GRIN2B: variants seen among roughly 807,000 people sequenced by gnomAD.
GRIN2B encodes glutamate receptor ionotropic, NMDA 2B.
Under a neutral mutation model 114.5 loss-of-function variants are expected in GRIN2B, and 5 were observed. That is an observed-to-expected ratio of 0.04 (90% CI 0.02 to 0.09). The LOEUF is 0.09. Ranked by LOEUF, GRIN2B falls within the 10% of genes least tolerant of loss-of-function variation. The pLI, the probability that GRIN2B is intolerant of heterozygous loss-of-function variation, is 1.00. For synonymous variants in GRIN2B, 787 were observed against 745.1 expected (o/e 1.06, Z -0.92); for missense variants, 1,108 against 1,943.5 (o/e 0.57, Z 8.08).
In GRIN2B at chr12:13,952,354, T is replaced by C. The variant is rs147089066; in HGVS notation, c.-19+27574A>G. ...AACTCATCTTACCCACTCACCTTTA[T>C]ACAGTGTCCGCAGGAATCCACAAAT... On this transcript the variant is annotated intron_variant, in intron 2 of 13. Transcript: ENST00000609686. 9.9e-3 allele frequency among the ~76,000 whole-genome samples: 1,502 copies of C among 152,310 alleles called. 9 individuals are homozygous for C. The highest frequency in any genetic ancestry group is 0.021 in the South Asian group (101 of 4,826).
chr12:13,741,936 A>C (rs1402887458), intron 4 of GRIN2B, among the ~76,000 whole-genome samples: 1 of 152,196 alleles, frequency 6.6e-6, no homozygotes, highest in Admixed American at 6.5e-5. Context: ...CTTGGCACAT[A>C]GTATTCACTC....
At chr12:13,570,136 A>G (rs918629745) in intron 11 of GRIN2B, 119 bp from the exon 12 acceptor site, 2 of 754,602 alleles carry the variant, frequency 2.7e-6, no homozygotes, top group Non-Finnish European at 2.3e-6. Flanking sequence ...GGTTCAAAGT[A>G]AGGTTTAAGT....
At chr12:13,879,280 T>C (rs1290350477) in intron 2 of GRIN2B, among the ~76,000 whole-genome samples, 2 of 152,170 alleles carry the variant, frequency 1.3e-5, no homozygotes, top group African/African-American at 4.8e-5. Context: ...GTACAGCATG[T>C]TACTGTACTG....
At chr12:13,780,127 G>C (rs1864079828) in intron 3 of GRIN2B, among the ~76,000 whole-genome samples, 1 of 152,086 alleles carries the variant, frequency 6.6e-6, no homozygotes, top group Admixed American at 6.6e-5. Flanking sequence ...ACCTAGAAGA[G>C]TACCATACCT....
chr12:13,972,866 A>G (rs1412692023), intron 2 of GRIN2B, among the ~76,000 whole-genome samples: 3 of 152,316 alleles, frequency 2.0e-5, no homozygotes, highest in South Asian at 2.1e-4. Context: ...GGGGCCTACT[A>G]TATTTGGTAG....
intron 3 of GRIN2B, among the ~76,000 whole-genome samples, chr12:13,794,548 A>G (rs972962191): frequency 6.6e-5 from 10 of 152,228 alleles, no homozygotes; most frequent in African/African-American, 2.4e-4. Context: ...ACAAAGATCC[A>G]GTGGCATCCA....
rs112983172 is a variant in GRIN2B at position 13,793,420 on chromosome 12, C to CAA, written c.412-39507_412-39506dup. On this transcript the variant is annotated intron_variant, in intron 3 of 13. Coordinates refer to ENST00000609686, the MANE Select transcript of GRIN2B (RefSeq NM_000834.5). ...TGGGCAACAAAGTGAGACTCTGTCT[C>CAA]AAAAAAAAAAAAACGTTATTCAACT... Among the ~76,000 whole-genome samples the CAA allele has an allele frequency of 2.2e-3, 328 of 147,464 alleles. 2 individuals carry two copies. The highest frequency in any genetic ancestry group is 3.5e-3 in the Middle Eastern group (1 of 282).
At chr12:13,774,938 T>C (rs1469768589) in intron 3 of GRIN2B, among the ~76,000 whole-genome samples, 4 of 152,114 alleles carry the variant, frequency 2.6e-5, no homozygotes, top group African/African-American at 9.7e-5. Flanking sequence ...AGAGATCACA[T>C]GTGATCATGA....
At chr12:13,802,600 T>A (rs917207875) in intron 3 of GRIN2B, among the ~76,000 whole-genome samples, 3 of 152,138 alleles carry the variant, frequency 2.0e-5, no homozygotes, top group African/African-American at 4.8e-5. Context: ...AATTGCAGAA[T>A]TCCATGAAGC....
intron 3 of GRIN2B, among the ~76,000 whole-genome samples, chr12:13,830,948 G>A (rs73055652): frequency 0.16 from 23,964 of 152,220 alleles, 2,426 homozygotes; most frequent in Non-Finnish European, 0.22. Flanking sequence ...TGTTGGAGGT[G>A]GGTCCTAATG....
chr12:13,947,823 T>A (rs1384342818), intron 2 of GRIN2B, among the ~76,000 whole-genome samples: 1 of 152,192 alleles, frequency 6.6e-6, no homozygotes, highest in Non-Finnish European at 1.5e-5. Flanking sequence ...AAGCTGAGGA[T>A]GAGGCATGAG....
At chr12:13,603,556 G>A (rs1343712622) in intron 10 of GRIN2B, among the ~76,000 whole-genome samples, 2 of 151,928 alleles carry the variant, frequency 1.3e-5, no homozygotes, top group Non-Finnish European at 2.9e-5. Flanking sequence ...ATGATGCCTG[G>A]CTTGTAAGAG....
At chr12:13,735,828 G>A (rs963625328) in intron 4 of GRIN2B, among the ~76,000 whole-genome samples, 3 of 152,094 alleles carry the variant, frequency 2.0e-5, no homozygotes, top group East Asian at 3.9e-4. Flanking sequence ...TGACTGATAC[G>A]ACAGCTGGGA....
chr12:13,795,078 G>A (rs1425646095), intron 3 of GRIN2B, among the ~76,000 whole-genome samples: 1 of 152,182 alleles, frequency 6.6e-6, no homozygotes, highest in African/African-American at 2.4e-5. Flanking sequence ...GCTCACTCAT[G>A]AGAATTCAGA....
rs954807556 is a variant in GRIN2B at position 13,548,341 on chromosome 12, G to A, written c.*14442C>T. 7 of 151,870 alleles carry A rather than the reference G, an allele frequency of 4.6e-5. No individual in the cohort carries two copies. The highest frequency in any genetic ancestry group is 1.2e-4 in the African/African-American group (5 of 41,314). The allele number at this position is 151,870 out of a possible 1,614,324, so 9.4% of individuals were successfully genotyped here. On this transcript the variant is annotated 3_prime_UTR_variant, in exon 14 of 14. Transcript: ENST00000609686. Reference sequence around the variant, plus strand: ...CTTTGTAAGACTTCCTCCATTGGCCGCTATGGTACAGCTCAGAAAAGCTGA... The same window carrying A: ...CTTTGTAAGACTTCCTCCATTGGCCACTATGGTACAGCTCAGAAAAGCTGA...
intron 3 of GRIN2B, among the ~76,000 whole-genome samples, chr12:13,783,471 T>C (rs1219243576): frequency 2.0e-5 from 3 of 151,396 alleles, no homozygotes; most frequent in Non-Finnish European, 2.9e-5. Flanking sequence ...AAACCACAGA[T>C]AGGCAGCAGG....
At chr12:13,625,128 G>A (rs953285989) in intron 5 of GRIN2B, among the ~76,000 whole-genome samples, 1 of 152,134 alleles carries the variant, frequency 6.6e-6, no homozygotes, top group Non-Finnish European at 1.5e-5. Context: ...CACTAAAAAA[G>A]GTGGATATTA....
At chr12:13,729,555 A>T (rs1863047137) in intron 4 of GRIN2B, among the ~76,000 whole-genome samples, 1 of 152,130 alleles carries the variant, frequency 6.6e-6, no homozygotes, top group African/African-American at 2.4e-5. Context: ...GAGGCAGAGA[A>T]TGGAGCCAAA....
intron 2 of GRIN2B, among the ~76,000 whole-genome samples, chr12:13,974,276 T>A (rs1051844409): frequency 2.6e-5 from 4 of 152,218 alleles, no homozygotes; most frequent in Non-Finnish European, 4.4e-5. Flanking sequence ...AATCCAGTGG[T>A]CTAAGATGAA....
Sources: allele counts gnomAD v4.1 joint callset (sites outside exome capture counted in the v4.1 genomes callset), GRCh38; gene constraint gnomAD v4.1.1; transcripts MANE v1.5; gene names NCBI Gene and HGNC (gene_info 2026-07-23, HGNC 2026-07-21).